HNRNPA2B1: variants seen among roughly 807,000 people sequenced by gnomAD.
HNRNPA2B1 encodes the protein heterogeneous nuclear ribonucleoproteins A2/B1.
A neutral mutation model predicts 46.3 loss-of-function variants in HNRNPA2B1; 3 were observed. The ratio of observed to expected loss-of-function variants is 0.06; its 90% CI spans 0.03 to 0.17. The LOEUF (loss-of-function observed/expected upper bound fraction) is 0.17. Ranked by LOEUF, HNRNPA2B1 falls within the 10% of genes least tolerant of loss-of-function variation. HNRNPA2B1 has a pLI of 1.00. For missense variants in HNRNPA2B1, 221 were observed against 418.9 expected (o/e 0.53, Z 4.12); for synonymous variants, 225 against 133.8 (o/e 1.68, Z -4.70).
At chr7:26,197,947 CTCAG>C in intron 1 of HNRNPA2B1, 1 of 878,276 alleles carries the variant, frequency 1.1e-6, no homozygotes, top group South Asian at 1.7e-5. Context: ...AAAAAATTGC[CTCAG>C]CTGATCTACA....
rs149718948 is a variant in HNRNPA2B1, at chr7:26,197,937, A to T, written c.7-205T>A. 2.1e-4 allele frequency: 224 copies of T among 1,043,272 alleles called. 1 individual carries two copies. The East Asian group carries it at 5.6e-3, about 26-fold the overall frequency. The allele number at this position is 1,043,272 out of a possible 1,614,324, so 64.6% of individuals were successfully genotyped here. ...AACTGCATATTAGTTGTGTTACACC[A>T]AAAAATTGCCTCAGCTGATCTACAC... On this transcript the variant is annotated intron_variant, in intron 1 of 10. Coordinates refer to ENST00000618183, the MANE Select transcript of HNRNPA2B1 (RefSeq NM_002137.4).
At chr7:26,197,918 A>AT (rs1562719356) in intron 1 of HNRNPA2B1, 186 bp from the exon 2 acceptor site, 5 of 1,410,474 alleles carry the variant, frequency 3.5e-6, no homozygotes, top group South Asian at 2.6e-5. Flanking sequence ...GTTAAACTGC[A>AT]TATTAGTTGT....
chr7:26,198,170 G>C (rs1217900772), intron 1 of HNRNPA2B1: 2 of 252,926 alleles, frequency 7.9e-6, no homozygotes, highest in African/African-American at 2.2e-5. Flanking sequence ...ATAACTCTTG[G>C]TTCATTACTT....
intron 1 of HNRNPA2B1, 106 bp from the exon 2 acceptor site, chr7:26,197,838 C>G: frequency 6.2e-7 from 1 of 1,604,782 alleles, no homozygotes; most frequent in Non-Finnish European, 8.5e-7. Flanking sequence ...TACCTTTTTC[C>G]TCTCCAAAGG....
intron 1 of HNRNPA2B1, 60 bp downstream of exon 1, chr7:26,200,512 T>C: frequency 2.5e-6 from 4 of 1,584,660 alleles, no homozygotes; most frequent in East Asian, 2.2e-5. Flanking sequence ...CGACTTCCAC[T>C]GAGGCGCCAA....
intron 1 of HNRNPA2B1, chr7:26,199,535 A>C (rs994664943): frequency 6.6e-6 from 1 of 152,226 alleles, no homozygotes; most frequent in Non-Finnish European, 1.5e-5. Flanking sequence ...CGTAAGGGTT[A>C]AACTTCTCAG....
At chr7:26,196,517 TA>T in intron 5 of HNRNPA2B1, 36 bp from the exon 6 acceptor site, 1 of 1,612,980 alleles carries the variant, frequency 6.2e-7, no homozygotes. Context: ...CAAGCCCTTA[TA>T]TATGAACAAA....
At chr7:26,199,362 G>C (rs2128128656) in intron 1 of HNRNPA2B1, 1 of 152,474 alleles carries the variant, frequency 6.6e-6, no homozygotes, top group South Asian at 2.1e-4. Context: ...AAGTAACAAA[G>C]TTCAAATACA....
chr7:26,191,120 A>G lies in HNRNPA2B1; in HGVS notation c.*1240T>C, dbSNP rs911080196. 7 of 151,862 alleles carry G rather than the reference A, an allele frequency of 4.6e-5. No homozygotes were observed. The highest frequency in any genetic ancestry group is 7.3e-5 in the African/African-American group (3 of 41,256). The allele number at this position is 151,862 out of a possible 1,614,324, so 9.4% of individuals were successfully genotyped here. A position where few individuals can be genotyped will look rare whatever the true frequency, so the allele number is the denominator to read the frequency against. On this transcript the variant is annotated 3_prime_UTR_variant, in exon 11 of 11. Coordinates refer to ENST00000618183, the MANE Select transcript of HNRNPA2B1 (RefSeq NM_002137.4). ...AGCAGAATATACTTGTCCATGGTTC[A>G]TATCAATGCTAAAATTCCGGCAGGG...
At chr7:26,197,264 G>A (rs376314051) in intron 3 of HNRNPA2B1, 51 bp downstream of exon 3, 85 of 1,529,826 alleles carry the variant, frequency 5.6e-5, no homozygotes, top group East Asian at 9.1e-5. Context: ...CTGATTTTCA[G>A]CAGGGCAGCG....
At position 26,191,012 on chromosome 7, in the gene HNRNPA2B1, C is replaced by T. The variant is rs1782852816; in HGVS notation, c.*1348G>A. ...ACCTACCATTTTACTACCAACACCA[C>T]TGAAGGAACCAAGAAAAGCTTTATT... On this transcript the variant is annotated 3_prime_UTR_variant, in exon 11 of 11. Coordinates refer to ENST00000618183, the MANE Select transcript of HNRNPA2B1 (RefSeq NM_002137.4). 1 of 152,596 alleles carries T rather than the reference C, an allele frequency of 6.6e-6. No individual in the cohort carries two copies. The highest frequency in any genetic ancestry group is 1.9e-4 in the East Asian group (1 of 5,198). 9.5% of individuals were successfully genotyped at this position (152,596 alleles called of 1,614,324 possible). A position where few individuals can be genotyped will look rare whatever the true frequency, so the allele number is the denominator to read the frequency against.
At chr7:26,193,483 G>C (rs950533674) in intron 8 of HNRNPA2B1, 92 bp downstream of exon 8, 10 of 1,522,216 alleles carry the variant, frequency 6.6e-6, no homozygotes, top group South Asian at 1.2e-5. Context: ...AATTTTATGG[G>C]CATCTAGTGA....
chr7:26,197,537 CT>C lies in HNRNPA2B1; in HGVS notation c.118-77del. ...AGTGAAGTCATAATAGAATTTTTTA[CT>C]ATGCTGATAGTTATTTCCTCCATGA... On this transcript the variant is annotated intron_variant, in intron 2 of 10. Coordinates refer to ENST00000618183, the MANE Select transcript of HNRNPA2B1 (RefSeq NM_002137.4). 4.5e-6 allele frequency: 7 copies of C among 1,568,144 alleles called. No homozygotes were observed. In the South Asian group the frequency reaches 7.9e-5, roughly 18 times the overall value.
chr7:26,193,554 G>A (rs780330366), intron 8 of HNRNPA2B1, 21 bp downstream of exon 8: 17 of 1,573,254 alleles, frequency 1.1e-5, no homozygotes, highest in Non-Finnish European at 1.5e-5. Flanking sequence ...CCCACATAAA[G>A]GTTGCAGGTG....
intron 9 of HNRNPA2B1, 30 bp downstream of exon 9, chr7:26,193,221 A>T: frequency 1.9e-6 from 3 of 1,600,910 alleles, no homozygotes; most frequent in Non-Finnish European, 2.6e-6. Context: ...AATCACAAAA[A>T]TCTGAATAAC....
In HNRNPA2B1 at chr7:26,191,867, A is replaced by T. The variant is rs1782950455; in HGVS notation, c.*493T>A. 1 of 152,640 alleles carries T rather than the reference A, an allele frequency of 6.6e-6. No individual in the cohort carries two copies. The highest frequency in any genetic ancestry group is 2.4e-5 in the African/African-American group (1 of 41,460). The allele number at this position is 152,640 out of a possible 1,614,324, so 9.5% of individuals were successfully genotyped here. On this transcript the variant is annotated 3_prime_UTR_variant, in exon 11 of 11. Coordinates refer to ENST00000618183, the MANE Select transcript of HNRNPA2B1 (RefSeq NM_002137.4). ...AATTTCCTTTAGAATTATTTTATTA[A>T]ATCATAAATGTACAACAGCTTCTTA...
chr7:26,192,889 C>T (rs568474432), intron 9 of HNRNPA2B1, among the ~76,000 whole-genome samples: 1 of 152,200 alleles, frequency 6.6e-6, no homozygotes, highest in African/African-American at 2.4e-5. Context: ...AGCTAAAAAC[C>T]TCAAAAATAA....
At chr7:26,196,705 A>T in intron 4 of HNRNPA2B1, 47 bp from the exon 5 acceptor site, 3 of 1,570,360 alleles carry the variant, frequency 1.9e-6, no homozygotes, top group Non-Finnish European at 2.6e-6. Context: ...CAACAATATT[A>T]AGCAGCTTCA....
intron 3 of HNRNPA2B1, 39 bp from the exon 4 acceptor site, chr7:26,197,056 AAAACAC>A: frequency 6.7e-7 from 1 of 1,503,744 alleles, no homozygotes; most frequent in Non-Finnish European, 9.2e-7. Context: ...CAAACAGAAA[AAAACAC>A]AAGCATAATT....
Sources: allele counts gnomAD v4.1 joint callset (sites outside exome capture counted in the v4.1 genomes callset), GRCh38; gene constraint gnomAD v4.1.1; transcripts MANE v1.5; gene names NCBI Gene and HGNC (gene_info 2026-07-23, HGNC 2026-07-21).